The following SHANK2 variants were observed in gnomAD, a reference collection of about 807,000 sequenced individuals.
SHANK2 encodes SH3 and multiple ankyrin repeat domains 2.
In SHANK2, 43 loss-of-function variants were observed where a neutral mutation model predicts 133.7. The observed-to-expected ratio is 0.32, with a 90% CI of 0.25 to 0.41. SHANK2 has a LOEUF of 0.41. SHANK2 is among the 10% of genes least tolerant of loss of function. The pLI is 1.00. For missense variants in SHANK2, 1,994 were observed against 2,235.8 expected, an observed-to-expected ratio of 0.89 and a Z score of 2.18; for synonymous variants, 1,017 against 952.8, an observed-to-expected ratio of 1.07 and a Z score of -1.24.
chr11:70,626,918 G>A (rs2060912769), intron 17 of SHANK2, among the ~76,000 whole-genome samples: 1 of 152,214 alleles, frequency 6.6e-6, no homozygotes. Context: ...CAGCAAGGAT[G>A]AAGGCTGCGG....
At chr11:70,716,315 C>G (rs552075638) in intron 14 of SHANK2, among the ~76,000 whole-genome samples, 1 of 151,892 alleles carries the variant, frequency 6.6e-6, no homozygotes, top group Non-Finnish European at 1.5e-5. Context: ...TCCAAGGGCA[C>G]GCAGCAGAGC....
chr11:70,618,726 C>T (rs944192640), intron 17 of SHANK2, among the ~76,000 whole-genome samples: 17 of 152,212 alleles, frequency 1.1e-4, no homozygotes, highest in South Asian at 6.2e-4. Context: ...CCCTGGCCGC[C>T]GCTTACCCTC....
chr11:71,084,240 C>G (rs1046851245), intron 8 of SHANK2, among the ~76,000 whole-genome samples: 144,955 of 152,288 alleles, frequency 0.95, 69,030 homozygotes, highest in African/African-American at 0.96. Flanking sequence ...CAAAGTGCTG[C>G]GATTACAGGC....
chr11:70,845,967 C>T (rs1170466573), intron 11 of SHANK2, among the ~76,000 whole-genome samples: 5 of 152,162 alleles, frequency 3.3e-5, no homozygotes, highest in African/African-American at 9.7e-5. Flanking sequence ...CGCTGTTCCC[C>T]GTCTCCCGAC....
At chr11:70,579,916 G>A (rs187361259) in intron 17 of SHANK2, among the ~76,000 whole-genome samples, 2 of 152,330 alleles carry the variant, frequency 1.3e-5, no homozygotes, top group Admixed American at 1.3e-4. Context: ...ACAAGCCAAG[G>A]AACACAGGCG....
At chr11:70,806,931 C>T in intron 13 of SHANK2, 71 bp downstream of exon 13, 1 of 664,636 alleles carries the variant, frequency 1.5e-6, no homozygotes, top group Non-Finnish European at 2.8e-6. Context: ...ACATCGTCCC[C>T]ACAGCAGGCC....
chr11:70,752,705 C>CAAAAA lies in SHANK2; in HGVS notation c.1777+45733_1777+45737dup, dbSNP rs530096112. ...TGGGTGACAGAGCGAGACTCCGTCT[C>CAAAAA]AAAAAAAAAAAAAAAATCAATTCAC... On this transcript the variant is annotated intron_variant, in intron 14 of 25. Coordinates refer to ENST00000601538, the MANE Select transcript of SHANK2 (RefSeq NM_012309.5). Among the ~76,000 whole-genome samples the CAAAAA allele has an allele frequency of 9.6e-5, 10 of 103,890 alleles. 1 individual carries two copies. Among genetic ancestry groups the CAAAAA allele is most frequent in the African/African-American group, 1.2e-4 (3 of 25,396 alleles). 68.2% of individuals were successfully genotyped at this position (103,890 alleles called of 152,430 possible). A position where few individuals can be genotyped will look rare whatever the true frequency, so the allele number is the denominator to read the frequency against.
At chr11:71,220,275 T>C (rs1591032985) in intron 2 of SHANK2, among the ~76,000 whole-genome samples, 1 of 151,820 alleles carries the variant, frequency 6.6e-6, no homozygotes, top group East Asian at 1.9e-4. Context: ...CAAAACAAAA[T>C]ACGAGTGTTG....
At chr11:70,507,086 C>T (rs1259045976) in intron 17 of SHANK2, among the ~76,000 whole-genome samples, 3 of 152,228 alleles carry the variant, frequency 2.0e-5, no homozygotes, top group Non-Finnish European at 4.4e-5. Context: ...TTAGAACCCT[C>T]GCACTTGGGG....
At chr11:70,934,426 G>T (rs1950544276) in intron 10 of SHANK2, among the ~76,000 whole-genome samples, 1 of 152,058 alleles carries the variant, frequency 6.6e-6, no homozygotes, top group Non-Finnish European at 1.5e-5. Flanking sequence ...CCCCGCCCAG[G>T]GTGCAGCCTC....
chr11:70,543,418 G>A (rs1193465784), intron 17 of SHANK2, among the ~76,000 whole-genome samples: 3 of 152,190 alleles, frequency 2.0e-5, no homozygotes, highest in Non-Finnish European at 4.4e-5. Flanking sequence ...CCAGGGAGGA[G>A]AGAGAGAGGC....
intron 14 of SHANK2, among the ~76,000 whole-genome samples, chr11:70,761,484 C>T (rs956087072): frequency 2.0e-5 from 3 of 152,214 alleles, no homozygotes; most frequent in Non-Finnish European, 1.5e-5. Context: ...GAACGAGGCA[C>T]CATGTCTGCG....
intron 11 of SHANK2, among the ~76,000 whole-genome samples, chr11:70,890,269 C>G (rs766313276): frequency 6.6e-6 from 1 of 151,636 alleles, no homozygotes; most frequent in African/African-American, 2.4e-5. Flanking sequence ...TTTGGGAGGC[C>G]GAGGCAGGCA....
intron 8 of SHANK2, among the ~76,000 whole-genome samples, chr11:71,089,987 A>G (rs1197547139): frequency 2.0e-5 from 3 of 152,198 alleles, no homozygotes; most frequent in Admixed American, 6.5e-5. Context: ...GAGGAGGGGA[A>G]GCAGCTCCCC....
intron 10 of SHANK2, among the ~76,000 whole-genome samples, chr11:70,915,582 A>G (rs1463154732): frequency 2.0e-5 from 3 of 152,116 alleles, no homozygotes; most frequent in African/African-American, 7.2e-5. Context: ...CCCGAGTGAC[A>G]TCATGCCCTC....
chr11:70,682,349 G>A (rs1163529742), intron 15 of SHANK2, among the ~76,000 whole-genome samples: 2 of 152,228 alleles, frequency 1.3e-5, no homozygotes, highest in Non-Finnish European at 2.9e-5. Flanking sequence ...GCTGTGTGGC[G>A]GAGCCCGCTG....
intron 2 of SHANK2, among the ~76,000 whole-genome samples, chr11:71,168,049 G>A (rs1953218837): frequency 7.1e-6 from 1 of 141,314 alleles, no homozygotes; most frequent in Non-Finnish European, 1.6e-5. Flanking sequence ...CCAGGCGGAG[G>A]GGCTCCTCAC....
rs149090247 is a variant in SHANK2, at chr11:70,505,216, C to T, written c.2062-2285G>A. On this transcript the variant is annotated intron_variant, in intron 17 of 25. Transcript: ENST00000601538. The stretch of plus-strand genomic sequence containing the variant: ...GGCAAGGAAGCGGTAGGCAGGGGGG[C>T]GCAGAAAAGGCCAAGGCCTGAGAGC... 3.3e-3 allele frequency among the ~76,000 whole-genome samples: 500 copies of T among 152,044 alleles called. 1 individual carries two copies. The highest frequency in any genetic ancestry group is 5.8e-3 in the Admixed American group (89 of 15,288).
intron 2 of SHANK2, among the ~76,000 whole-genome samples, chr11:71,219,942 G>A (rs546520012): frequency 2.6e-5 from 4 of 152,026 alleles, no homozygotes; most frequent in Admixed American, 2.6e-4. Context: ...AACAAAAACA[G>A]GCCAGGTGTG....
Sources: gnomAD v4.1 joint callset for allele counts (sites outside exome capture counted in the v4.1 genomes callset) on GRCh38, gnomAD v4.1.1 for gene constraint, MANE v1.5 for transcripts, NCBI Gene and HGNC (gene_info 2026-07-23, HGNC 2026-07-21) for gene names.